Variants in KALRN observed in about 807,000 individuals in gnomAD.
KALRN encodes the protein kalirin.
In KALRN, 70 loss-of-function variants were observed where a neutral mutation model predicts 353.7. The ratio of observed to expected loss-of-function variants is 0.20; its 90% CI spans 0.16 to 0.24. The LOEUF is 0.24. Among genes scored for constraint, KALRN ranks in the 10% least tolerant of loss-of-function variants. KALRN has a pLI of 1.00. For synonymous variants in KALRN, 1,391 were observed against 1,434.8 expected, an observed-to-expected ratio of 0.97 and a Z score of 0.69; for missense variants, 2,791 against 3,756.7, an observed-to-expected ratio of 0.74 and a Z score of 6.72.
chr3:124,385,731 A>G (rs1174233582), intron 11 of KALRN, among the ~76,000 whole-genome samples: 2 of 152,160 alleles, frequency 1.3e-5, no homozygotes, highest in Non-Finnish European at 2.9e-5. Context: ...GCAAGAGCAG[A>G]GGGGCCCCAT....
At position 124,674,307 on chromosome 3, in the gene KALRN, G is replaced by T. The variant is rs925708965; in HGVS notation, c.6943-57G>T. 8 of 1,564,194 alleles carry T rather than the reference G, an allele frequency of 5.1e-6. No homozygotes were observed. The African/African-American group carries it at 1.1e-4, about 21-fold the overall frequency. On this transcript the variant is annotated intron_variant, in intron 48 of 59. Transcript: ENST00000682506. ...AACCACTGGGTAGGGTGCAGAGCAA[G>T]CCCATGTGAACTAGCGTCCTTGTGT...
At chr3:124,303,639 A>T (rs2149250018) in intron 6 of KALRN, among the ~76,000 whole-genome samples, 1 of 152,348 alleles carries the variant, frequency 6.6e-6, no homozygotes, top group African/African-American at 2.4e-5. Context: ...TGGGAAAAAT[A>T]AATTGCTAAT....
intron 34 of KALRN, among the ~76,000 whole-genome samples, chr3:124,586,377 G>A (rs2075186629): frequency 6.6e-6 from 1 of 152,208 alleles, no homozygotes; most frequent in Admixed American, 6.5e-5. Flanking sequence ...TGTGGGGGCT[G>A]GGGTGGTGCT....
Position 124,398,740 on chromosome 3 carries a change from A to G in KALRN, c.2215A>G (p.Ile739Val). 2 of 1,614,152 alleles carry G rather than the reference A, an allele frequency of 1.2e-6. No individual in the cohort carries two copies. The highest frequency in any genetic ancestry group is 1.7e-6 in the Non-Finnish European group (2 of 1,180,020). ...SNNKTPHSSS[I>V]SHIESVLQQL... is the part of the protein sequence containing the mutation. ...CAACAAAACACCCCACAGCAGCTCC[A>G]TCAGCCACATCGAGTCGGTCCTGCA... The change falls in exon 13 of 60, where the codon ATC (isoleucine) becomes GTC (valine). Residue 739 changes from isoleucine to valine, a missense_variant. By Grantham distance (29) the Ile-to-Val change is conservative (BLOSUM62 3). This residue lies in a region of KALRN where 452 missense variants were observed against 575.8 expected (regional missense o/e 0.78). Coordinates refer to ENST00000682506, the MANE Select transcript of KALRN (RefSeq NM_001388419.1).
At position 124,436,507 on chromosome 3, in the gene KALRN, A is replaced by C. The variant is rs577758744; in HGVS notation, c.3048+1982A>C. ...TGTGATGCTAGAGATGGGACTAGAGAAGTCACCTCAAGTTTGATGACAGAT... is the reference window on the plus strand; with the variant it reads ...TGTGATGCTAGAGATGGGACTAGAGCAGTCACCTCAAGTTTGATGACAGAT... On this transcript the variant is annotated intron_variant, in intron 17 of 59. Coordinates refer to ENST00000682506, the MANE Select transcript of KALRN (RefSeq NM_001388419.1). Among the ~76,000 whole-genome samples the C allele has an allele frequency of 2.0e-5, 3 of 152,322 alleles. No individual in the cohort carries two copies. In the South Asian group the frequency reaches 6.2e-4, roughly 32 times the overall value.
Position 124,438,944 on chromosome 3 carries a change from T to G in KALRN, c.3105T>G (p.Cys1035Trp). The G allele has an allele frequency of 6.2e-7, 1 of 1,614,042 alleles. No individual in the cohort carries two copies. Among genetic ancestry groups the G allele is most frequent in the Non-Finnish European group, 8.5e-7 (1 of 1,179,970 alleles). ...EQEYRRDEDW[C>W]GGRDKLGPAA... Reference sequence around the variant, plus strand: ...AATACCGGAGAGATGAGGACTGGTGTGGTGGACGAGATAAGCTGGGGCCAG... The same window carrying G: ...AATACCGGAGAGATGAGGACTGGTGGGGTGGACGAGATAAGCTGGGGCCAG... Residue 1035 changes from cysteine (C) to tryptophan (W), a missense_variant, in exon 18 of 60, where the codon TGT becomes TGG. Transcript: ENST00000682506.
In KALRN at chr3:124,385,024, A is replaced by G. The variant is rs201916362; in HGVS notation, c.1950A>G (p.Thr650=). 6.2e-7 allele frequency: 1 copy of G among 1,604,308 alleles called. No individual in the cohort carries two copies. The highest frequency in any genetic ancestry group is 1.1e-5 in the South Asian group (1 of 89,102). The change falls in exon 11 of 60, where the codon ACA becomes ACG. Residue 650 remains threonine (T), a synonymous_variant. Transcript: ENST00000682506. ...LLLDMSVSFH[T]HTKELWTWME... is the part of the protein sequence containing the mutation. Reference sequence around the variant, plus strand: ...TGGACATGTCTGTTTCCTTCCACACACACACCAAAGAGGTAAGGGGAGCTA... The same window carrying G: ...TGGACATGTCTGTTTCCTTCCACACGCACACCAAAGAGGTAAGGGGAGCTA...
At chr3:124,090,033 G>C (rs1044550935) in intron 1 of KALRN, among the ~76,000 whole-genome samples, 5 of 152,194 alleles carry the variant, frequency 3.3e-5, no homozygotes. Context: ...GGACCTAGTG[G>C]AGAGGGCATG....
chr3:124,708,416 A>C (rs997490927), intron 57 of KALRN, among the ~76,000 whole-genome samples: 8 of 152,254 alleles, frequency 5.3e-5, no homozygotes, highest in African/African-American at 1.9e-4. Context: ...GAAAGATAGA[A>C]GTTATTGACA....
chr3:124,192,104 A>G (rs1210318881), intron 1 of KALRN, among the ~76,000 whole-genome samples: 10 of 152,204 alleles, frequency 6.6e-5, no homozygotes, highest in Non-Finnish European at 2.9e-5. Flanking sequence ...TAAAATTCAT[A>G]TGTTGAAGCC....
intron 15 of KALRN, among the ~76,000 whole-genome samples, chr3:124,424,530 A>G (rs1015669016): frequency 6.6e-5 from 10 of 152,298 alleles, no homozygotes; most frequent in African/African-American, 2.4e-4. Flanking sequence ...GTGCTGAGCC[A>G]TAGCCCACAC....
In KALRN at chr3:124,671,823, C is replaced by T. The variant is rs762129891; in HGVS notation, c.6867C>T (p.Pro2289=). 1 of 1,614,172 alleles carries T rather than the reference C, an allele frequency of 6.2e-7. No individual in the cohort carries two copies. The highest frequency in any genetic ancestry group is 8.5e-7 in the Non-Finnish European group (1 of 1,180,032). The part of the protein sequence containing the change: ...KGSSYNPPLP[P]LKISTSNGSP... ...CCAGCTATAACCCACCTCTGCCTCCCCTGAAGATATCTACCTCCAATGGCA... is the reference window on the plus strand; with the variant it reads ...CCAGCTATAACCCACCTCTGCCTCCTCTGAAGATATCTACCTCCAATGGCA... Residue 2289 remains proline (P), a synonymous_variant, in exon 48 of 60, where the codon CCC becomes CCT. Transcript: ENST00000682506.
At chr3:124,587,159 C>T (rs951880828) in intron 34 of KALRN, among the ~76,000 whole-genome samples, 1 of 152,172 alleles carries the variant, frequency 6.6e-6, no homozygotes, top group Non-Finnish European at 1.5e-5. Context: ...CCTCCCTTTT[C>T]AGTTGAACCA....
At chr3:124,119,186 G>A (rs1056792972) in intron 1 of KALRN, among the ~76,000 whole-genome samples, 5 of 152,176 alleles carry the variant, frequency 3.3e-5, no homozygotes, top group Admixed American at 1.3e-4. Flanking sequence ...GACTGACAGG[G>A]CCCTGGGGGA....
At chr3:124,035,818 C>T (rs1001379724) in intron 1 of KALRN, among the ~76,000 whole-genome samples, 10 of 152,198 alleles carry the variant, frequency 6.6e-5, no homozygotes, top group African/African-American at 2.4e-4. Flanking sequence ...TATTCTCCCT[C>T]CTCCTTGGGC....
chr3:124,616,889 C>T (rs913521268), intron 34 of KALRN, among the ~76,000 whole-genome samples: 1 of 151,562 alleles, frequency 6.6e-6, no homozygotes, highest in Non-Finnish European at 1.5e-5. Flanking sequence ...GGCGTGAACC[C>T]AGGAGGCGGA....
chr3:124,397,821 G>A (rs750087600), intron 12 of KALRN, among the ~76,000 whole-genome samples: 29 of 152,156 alleles, frequency 1.9e-4, no homozygotes, highest in Non-Finnish European at 2.8e-4. Flanking sequence ...AATCAAAACT[G>A]TTTGCAGCCT....
At chr3:124,705,918 C>T (rs868276658) in intron 57 of KALRN, among the ~76,000 whole-genome samples, 8 of 145,032 alleles carry the variant, frequency 5.5e-5, no homozygotes, top group Non-Finnish European at 9.0e-5. Context: ...CTTTTGTTGT[C>T]GTTGTTGTTT....
intron 11 of KALRN, among the ~76,000 whole-genome samples, chr3:124,392,357 G>A (rs1186453571): frequency 6.6e-6 from 1 of 152,124 alleles, no homozygotes; most frequent in Non-Finnish European, 1.5e-5. Context: ...AAGTAAGATA[G>A]ATAATATATT....
Sources: gnomAD v4.1 joint callset for allele counts (sites outside exome capture counted in the v4.1 genomes callset) on GRCh38, gnomAD v4.1.1 for gene constraint, gnomAD v4.1.1 regional missense constraint, MANE v1.5 for transcripts, NCBI Gene and HGNC (gene_info 2026-07-23, HGNC 2026-07-21) for gene names.